The following OTOG variants were observed in gnomAD, a reference collection of about 807,000 sequenced individuals.
OTOG encodes otogelin.
A neutral mutation model predicts 313.8 loss-of-function variants in OTOG; 296 were observed. That is an observed-to-expected ratio of 0.94 (90% CI 0.86 to 1.04). The LOEUF is 1.04. Among genes scored for constraint, OTOG ranks in the 50% least tolerant of loss-of-function variants. The pLI is 0.00. For missense variants in OTOG, 3,948 were observed against 3,840.1 expected, an observed-to-expected ratio of 1.03 and a Z score of -0.74; for synonymous variants, 1,533 against 1,554.9, an observed-to-expected ratio of 0.99 and a Z score of 0.33.
At chr11:17,589,635 C>T (rs1267946293) in intron 24 of OTOG, among the ~76,000 whole-genome samples, 2 of 152,144 alleles carry the variant, frequency 1.3e-5, no homozygotes, top group African/African-American at 4.8e-5. Flanking sequence ...AAACTTCCAA[C>T]CTCCTAGGAA....
chr11:17,596,602 GCCATTCTTGGCTC>G (rs1252868305), intron 29 of OTOG, among the ~76,000 whole-genome samples: 1 of 152,210 alleles, frequency 6.6e-6, no homozygotes, highest in Non-Finnish European at 1.5e-5. Flanking sequence ...CTCCTGTTCA[GCCATTCTTGGCTC>G]CTGGATCAAA....
chr11:17,560,244 C>G (rs915795128), intron 12 of OTOG, among the ~76,000 whole-genome samples: 1 of 152,184 alleles, frequency 6.6e-6, no homozygotes, highest in Non-Finnish European at 1.5e-5. Context: ...AAGCCATTGA[C>G]TTTGGGAATC....
chr11:17,574,827 G>A lies in OTOG; in HGVS notation c.2401G>A (p.Asp801Asn). The stretch of plus-strand genomic sequence containing the variant: ...GGCCTGTGGGGTTGATGGTGGCGAT[G>A]ACCTGAGCAGAGACGAGTGTGTGGA... ...PEACGVDGGDDLSRDECVEGC... is the reference protein window; with the variant it reads ...PEACGVDGGDNLSRDECVEGC... Residue 801 changes from aspartate to asparagine, a missense_variant, in exon 20 of 56, where the codon GAC (aspartate) becomes AAC (asparagine). Asp to Asn is a conservative substitution (Grantham distance 23). Transcript: ENST00000399397. 3 of 1,550,260 alleles carry A rather than the reference G, an allele frequency of 1.9e-6. No individual in the cohort carries two copies. Among genetic ancestry groups the A allele is most frequent in the Non-Finnish European group, 2.6e-6 (3 of 1,146,818 alleles).
intron 25 of OTOG, among the ~76,000 whole-genome samples, chr11:17,592,390 A>T (rs1852968919): frequency 6.6e-6 from 1 of 152,258 alleles, no homozygotes; most frequent in Admixed American, 6.5e-5. Flanking sequence ...CAAGATGAAG[A>T]TAATTGACCT....
chr11:17,548,169 C>A lies in OTOG; in HGVS notation c.173C>A (p.Ala58Glu). 3 of 1,547,356 alleles carry A rather than the reference C, an allele frequency of 1.9e-6. No individual in the cohort carries two copies. The highest frequency in any genetic ancestry group is 2.6e-6 in the Non-Finnish European group (3 of 1,145,096). The change falls in exon 3 of 56, where the codon GCG becomes GAG. Residue 58 changes from alanine to glutamate, a missense_variant. Coordinates refer to ENST00000399397, the MANE Select transcript of OTOG (RefSeq NM_001292063.2). The part of the protein sequence containing the change: ...AGQPSSSHQE[A>E]TLAMGDKATV... ...TCCTCCAGCAGCAGCCACCAGGAGGCGACCCTTGCCATGGGGGACAAGGCT... is the reference window on the plus strand; with the variant it reads ...TCCTCCAGCAGCAGCCACCAGGAGGAGACCCTTGCCATGGGGGACAAGGCT...
chr11:17,638,720 T>C, intron 48 of OTOG, 171 bp downstream of exon 48: 2 of 1,542,974 alleles, frequency 1.3e-6, no homozygotes, highest in Non-Finnish European at 8.8e-7. Context: ...CTCCAAGTGC[T>C]GAGCATTCCT....
intron 51 of OTOG, among the ~76,000 whole-genome samples, 197 bp downstream of exon 51, chr11:17,641,288 G>C (rs186451210): frequency 6.6e-6 from 1 of 152,162 alleles, no homozygotes; most frequent in East Asian, 1.9e-4. Context: ...CAGAAGGGAC[G>C]GATTTAGTGC....
intron 17 of OTOG, among the ~76,000 whole-genome samples, chr11:17,571,836 G>A (rs905722784): frequency 2.0e-5 from 3 of 152,046 alleles, no homozygotes; most frequent in Admixed American, 6.5e-5. Flanking sequence ...TGGCTGTGTG[G>A]ACCACTTTGG....
chr11:17,562,177 G>T (rs1852203905), intron 15 of OTOG, among the ~76,000 whole-genome samples: 1 of 144,924 alleles, frequency 6.9e-6, no homozygotes. Flanking sequence ...GGTGGAGCTT[G>T]CAGTGAGCCG....
chr11:17,556,059 C>T (rs1478375751), intron 7 of OTOG, among the ~76,000 whole-genome samples, 162 bp downstream of exon 7: 1 of 152,188 alleles, frequency 6.6e-6, no homozygotes, highest in African/African-American at 2.4e-5. Flanking sequence ...CACTGGGTTT[C>T]TTGCCAGTGG....
chr11:17,556,824 A>G (rs1852066026), intron 7 of OTOG, among the ~76,000 whole-genome samples: 1 of 152,192 alleles, frequency 6.6e-6, no homozygotes, highest in African/African-American at 2.4e-5. Context: ...CTCCCCACCA[A>G]AAAAATAAAG....
chr11:17,578,152 G>C, intron 22 of OTOG: 1 of 957,400 alleles, frequency 1.0e-6, no homozygotes, highest in Non-Finnish European at 1.4e-6. Context: ...GACGTGCAGA[G>C]ATGGGTCCTG....
intron 23 of OTOG, among the ~76,000 whole-genome samples, chr11:17,584,301 G>C: frequency 6.6e-6 from 1 of 151,998 alleles, no homozygotes; most frequent in Non-Finnish European, 1.5e-5. Flanking sequence ...CATGTTTCTT[G>C]CCTTATTGTG....
chr11:17,602,910 G>A (rs900269020), intron 32 of OTOG, among the ~76,000 whole-genome samples: 2 of 152,220 alleles, frequency 1.3e-5, no homozygotes, highest in African/African-American at 4.8e-5. Flanking sequence ...GCGGAACACG[G>A]GGGAGGGGGC....
intron 2 of OTOG, 35 bp downstream of exon 2, chr11:17,548,022 A>C: frequency 9.6e-7 from 1 of 1,037,536 alleles, no homozygotes; most frequent in Non-Finnish European, 1.3e-6. Context: ...CCCCACCCAC[A>C]GCTCCCATCC....
chr11:17,631,724 C>CAATG lies in OTOG; in HGVS notation c.6737_6740dup (p.Asp2247GlufsTer2). The CAATG allele has an allele frequency of 6.4e-7, 1 of 1,550,564 alleles. No homozygotes were observed. Among genetic ancestry groups the CAATG allele is most frequent in the Non-Finnish European group, 8.7e-7 (1 of 1,146,980 alleles). Reference sequence around the variant, plus strand: ...CAGGTATCTGTGATGGAGATGCAGCCAATGACCTTACCCTGAAGGATGGCT... The same window carrying CAATG: ...CAGGTATCTGTGATGGAGATGCAGCCAATGAATGACCTTACCCTGAAGGATGGCT... On this transcript the variant is annotated frameshift_variant, in exon 41 of 56. Coordinates refer to ENST00000399397, the MANE Select transcript of OTOG (RefSeq NM_001292063.2). LOFTEE classifies it high-confidence loss of function.
In OTOG at chr11:17,632,227, G is replaced by A; in HGVS notation, c.7072+1G>A. On this transcript the variant is annotated splice_donor_variant, in intron 42 of 55. Coordinates refer to ENST00000399397, the MANE Select transcript of OTOG (RefSeq NM_001292063.2). LOFTEE classifies it high-confidence loss of function. ...GAGTGGCGGCGCTCTGACTACTGCC[G>A]TGAGTTTGCGGGGCAGGGGGACCCT... 1.3e-5 allele frequency: 20 copies of A among 1,548,888 alleles called. No individual in the cohort carries two copies. The highest frequency in any genetic ancestry group is 1.7e-5 in the Non-Finnish European group (20 of 1,145,532).
chr11:17,612,669 CCACGTAG>C lies in OTOG; in HGVS notation c.6344_6350del (p.His2115LeufsTer33). 5 of 1,550,548 alleles carry C rather than the reference CCACGTAG, an allele frequency of 3.2e-6. No homozygotes were observed. The highest frequency in any genetic ancestry group is 3.5e-6 in the Non-Finnish European group (4 of 1,146,944). ...TGAGCTTCGTGACCTTCGATGGGAG[CCACGTAG>C]CTCTGTTCAAGGAGGCCATCTACAT... is the stretch of plus-strand genomic sequence containing the variant. On this transcript the variant is annotated frameshift_variant, in exon 38 of 56. Transcript: ENST00000399397. LOFTEE classifies it high-confidence loss of function.
At position 17,574,714 on chromosome 11, in the gene OTOG, C is replaced by T. The variant is rs201721923; in HGVS notation, c.2294-6C>T. On this transcript the variant is annotated splice_polypyrimidine_tract_variant and splice_region_variant and intron_variant, in intron 19 of 55. Coordinates refer to ENST00000399397, the MANE Select transcript of OTOG (RefSeq NM_001292063.2). ...CAAAGCATGCACCACTCCCCCCTCA[C>T]TGCAGCACTGTCCTGTGAGGCCTCC... 444 of 1,549,820 alleles carry T rather than the reference C, an allele frequency of 2.9e-4. No homozygotes were observed. Among genetic ancestry groups the T allele is most frequent in the South Asian group, 3.5e-4 (29 of 83,928 alleles).
Sources: allele counts gnomAD v4.1 joint callset (sites outside exome capture counted in the v4.1 genomes callset), GRCh38; gene constraint gnomAD v4.1.1; transcripts MANE v1.5; gene names NCBI Gene and HGNC (gene_info 2026-07-23, HGNC 2026-07-21).